MCC: variants seen among roughly 807,000 people sequenced by gnomAD.
MCC encodes MCC regulator of Wnt signaling pathway, also known as colorectal mutant cancer protein.
Under a neutral mutation model 116.2 loss-of-function variants are expected in MCC, and 90 were observed. That is an observed-to-expected ratio of 0.77 (90% CI 0.65 to 0.92). The LOEUF is 0.92. MCC is among the 40% of genes least tolerant of loss of function. The pLI, the probability that MCC is intolerant of heterozygous loss-of-function variation, is 0.00. For missense variants in MCC, 1,516 were observed against 1,312.2 expected, an observed-to-expected ratio of 1.16 and a Z score of -2.40; for synonymous variants, 578 against 510.5, an observed-to-expected ratio of 1.13 and a Z score of -1.78.
At chr5:113,084,059 T>A in intron 10 of MCC, 42 bp downstream of exon 10, 3 of 1,483,648 alleles carry the variant, frequency 2.0e-6, no homozygotes, top group Non-Finnish European at 2.8e-6. Flanking sequence ...TCTGTGTAGC[T>A]CTGCCGGGTA....
chr5:113,302,657 A>G (rs1162867915), intron 3 of MCC, among the ~76,000 whole-genome samples: 1 of 152,202 alleles, frequency 6.6e-6, no homozygotes, highest in African/African-American at 2.4e-5. Flanking sequence ...TTCATGTCAA[A>G]GTACTAGAGG....
chr5:113,106,832 T>C (rs530758364), intron 6 of MCC, among the ~76,000 whole-genome samples: 12 of 152,218 alleles, frequency 7.9e-5, no homozygotes, highest in Non-Finnish European at 1.6e-4. Context: ...ATAATTGACA[T>C]GAGCCACCAT....
At chr5:113,238,890 A>G (rs1764253058) in intron 3 of MCC, among the ~76,000 whole-genome samples, 1 of 152,244 alleles carries the variant, frequency 6.6e-6, no homozygotes, top group Non-Finnish European at 1.5e-5. Flanking sequence ...TTACAAGAAG[A>G]GGTACATATT....
intron 3 of MCC, among the ~76,000 whole-genome samples, chr5:113,283,113 C>G (rs1274875873): frequency 1.3e-5 from 2 of 152,214 alleles, no homozygotes; most frequent in African/African-American, 4.8e-5. Flanking sequence ...TCTGGAGGAG[C>G]CTTCCTGGGC....
intron 3 of MCC, among the ~76,000 whole-genome samples, chr5:113,222,415 G>A (rs116192537): frequency 0.01 from 1,534 of 152,202 alleles, 25 homozygotes; most frequent in African/African-American, 0.035. Flanking sequence ...TGGCATTAAG[G>A]TAATCTTGGC....
At chr5:113,398,828 C>T (rs1285371799) in intron 1 of MCC, among the ~76,000 whole-genome samples, 1 of 152,096 alleles carries the variant, frequency 6.6e-6, no homozygotes, top group African/African-American at 2.4e-5. Context: ...TTCCAATAAG[C>T]AACTTTCTCA....
intron 2 of MCC, among the ~76,000 whole-genome samples, chr5:113,372,237 T>A (rs1768853104): frequency 6.6e-6 from 1 of 152,166 alleles, no homozygotes; most frequent in South Asian, 2.1e-4. Flanking sequence ...ATGAAGTGAT[T>A]AATGCCATTA....
At chr5:113,038,485 G>C (rs1490191820) in intron 17 of MCC, among the ~76,000 whole-genome samples, 1 of 152,070 alleles carries the variant, frequency 6.6e-6, no homozygotes, top group African/African-American at 2.4e-5. Context: ...AATTCATGGC[G>C]CTAGGAACCA....
At chr5:113,213,635 G>A (rs932346760) in intron 3 of MCC, among the ~76,000 whole-genome samples, 50 of 152,094 alleles carry the variant, frequency 3.3e-4, no homozygotes, top group African/African-American at 1.1e-3. Context: ...ACGCGGGTAA[G>A]AGAGAAAAGG....
At chr5:113,242,896 C>T (rs983032305) in intron 3 of MCC, among the ~76,000 whole-genome samples, 1 of 152,208 alleles carries the variant, frequency 6.6e-6, no homozygotes, top group African/African-American at 2.4e-5. Flanking sequence ...CCCGGACAAG[C>T]TGGGTGATAG....
intron 3 of MCC, among the ~76,000 whole-genome samples, chr5:113,254,997 T>C (rs1289689847): frequency 6.6e-6 from 1 of 152,104 alleles, no homozygotes; most frequent in African/African-American, 2.4e-5. Flanking sequence ...AAACCCCGTC[T>C]CTACTAAAAA....
At chr5:113,441,432 G>C (rs534109339) in intron 1 of MCC, among the ~76,000 whole-genome samples, 54 of 152,330 alleles carry the variant, frequency 3.5e-4, no homozygotes, top group African/African-American at 1.3e-3. Context: ...TTTCTATAAA[G>C]AGCTAGGTAA....
At chr5:113,294,416 C>G (rs777915663) in intron 3 of MCC, 9 of 1,613,384 alleles carry the variant, frequency 5.6e-6, no homozygotes, top group Non-Finnish European at 7.6e-6. Context: ...GCTCTCAGTC[C>G]CCCAGGTCTC....
intron 8 of MCC, among the ~76,000 whole-genome samples, chr5:113,091,033 G>T (rs1200976765): frequency 6.6e-6 from 1 of 152,208 alleles, no homozygotes; most frequent in East Asian, 1.9e-4. Context: ...TAGTCTAGCT[G>T]CTTGAGCTGA....
At chr5:113,183,937 A>G (rs2150310364) in intron 3 of MCC, among the ~76,000 whole-genome samples, 1 of 151,258 alleles carries the variant, frequency 6.6e-6, no homozygotes, top group East Asian at 1.9e-4. Flanking sequence ...TCCCCATGCA[A>G]TTTTTCGGTT....
chr5:113,076,111 T>A (rs1368534037), intron 11 of MCC, among the ~76,000 whole-genome samples: 1 of 152,204 alleles, frequency 6.6e-6, no homozygotes, highest in Admixed American at 6.5e-5. Context: ...GCTTCATTCT[T>A]GAAGTCAGCA....
At chr5:113,408,953 G>A (rs1477443153) in intron 1 of MCC, among the ~76,000 whole-genome samples, 3 of 152,134 alleles carry the variant, frequency 2.0e-5, no homozygotes, top group African/African-American at 7.2e-5. Flanking sequence ...AGTTTTCACA[G>A]CTTAAACAAA....
At chr5:113,477,297 T>C (rs540307643) in intron 1 of MCC, among the ~76,000 whole-genome samples, 6 of 152,310 alleles carry the variant, frequency 3.9e-5, no homozygotes, top group African/African-American at 1.4e-4. Flanking sequence ...TTTTAAATTA[T>C]ATATAAACTT....
At chr5:113,396,830 T>A (rs549209579) in intron 1 of MCC, among the ~76,000 whole-genome samples, 8 of 152,296 alleles carry the variant, frequency 5.3e-5, no homozygotes, top group African/African-American at 1.9e-4. Flanking sequence ...AAATAATAAA[T>A]GAATAGCAAT....
Sources: allele counts gnomAD v4.1 joint callset (sites outside exome capture counted in the v4.1 genomes callset), GRCh38; gene constraint gnomAD v4.1.1; transcripts MANE v1.5; gene names NCBI Gene and HGNC (gene_info 2026-07-23, HGNC 2026-07-21).